TRIM33: variants seen among roughly 807,000 people sequenced by gnomAD.
TRIM33 encodes the protein E3 ubiquitin-protein ligase TRIM33.
A neutral mutation model predicts 125.4 loss-of-function variants in TRIM33; 20 were observed. The observed-to-expected ratio is 0.16, with a 90% confidence interval of 0.11 to 0.23. The LOEUF (loss-of-function observed/expected upper bound fraction) is 0.23. Ranked by LOEUF, TRIM33 falls within the 10% of genes least tolerant of loss-of-function variation. The pLI is 1.00. For missense variants in TRIM33, 920 were observed against 1,411.4 expected, an observed-to-expected ratio of 0.65 and a Z score of 5.58; for synonymous variants, 564 against 513.9, an observed-to-expected ratio of 1.10 and a Z score of -1.32.
chr1:114,463,419 ATCT>A lies in TRIM33; in HGVS notation c.780_782del (p.Glu260del). 1 of 1,612,946 alleles carries A rather than the reference ATCT, an allele frequency of 6.2e-7. No homozygotes were observed. Among genetic ancestry groups the A allele is most frequent in the Non-Finnish European group, 8.5e-7 (1 of 1,179,320 alleles). On this transcript the variant is annotated inframe_deletion, in exon 3 of 20. Coordinates refer to ENST00000358465, the MANE Select transcript of TRIM33 (RefSeq NM_015906.4). Reference sequence around the variant, plus strand: ...ACAATGCATCTATCTTACCTGAGACATCTTCTTTCTTCCTGATCAAGTGATCTT... The same window carrying A: ...ACAATGCATCTATCTTACCTGAGACATCTTTCTTCCTGATCAAGTGATCTT...
intron 18 of TRIM33, 32 bp from the exon 19 acceptor site, chr1:114,398,022 A>G (rs75496873): frequency 8.9e-7 from 1 of 1,126,338 alleles, no homozygotes; most frequent in Non-Finnish European, 1.3e-6. Context: ...AAAAAAAAAA[A>G]GGGAAATTAT....
intron 4 of TRIM33, among the ~76,000 whole-genome samples, chr1:114,443,601 A>G (rs1648795724): frequency 6.6e-6 from 1 of 152,216 alleles, no homozygotes; most frequent in Non-Finnish European, 1.5e-5. Context: ...AGTAACTACC[A>G]TCATAAACTA....
At chr1:114,400,660 T>G (rs1050488498) in intron 17 of TRIM33, among the ~76,000 whole-genome samples, 1 of 152,254 alleles carries the variant, frequency 6.6e-6, no homozygotes. Context: ...TGATTTAAAA[T>G]TCATTTCTCA....
At chr1:114,425,173 T>G (rs76897220) in intron 9 of TRIM33, among the ~76,000 whole-genome samples, 1,567 of 152,250 alleles carry the variant, frequency 0.01, 25 homozygotes, top group African/African-American at 0.036. Flanking sequence ...AAATTATACG[T>G]GGAAAACAAA....
chr1:114,463,637 AT>A, intron 2 of TRIM33, 81 bp from the exon 3 acceptor site: 1 of 855,496 alleles, frequency 1.2e-6, no homozygotes, highest in Non-Finnish European at 1.9e-6. Context: ...GTTCTTCAAT[AT>A]ACTATTTCAC....
At chr1:114,468,546 C>CAAAAG (rs550631426) in intron 1 of TRIM33, 55 of 394,754 alleles carry the variant, frequency 1.4e-4, no homozygotes, top group East Asian at 8.0e-4. Context: ...CTTCTTTAAT[C>CAAAAG]AAAAGAAAAG....
intron 1 of TRIM33, among the ~76,000 whole-genome samples, chr1:114,478,292 G>A (rs1379809621): frequency 2.0e-5 from 3 of 152,152 alleles, no homozygotes; most frequent in Non-Finnish European, 4.4e-5. Flanking sequence ...TGTCACACAC[G>A]GTAGAATCAA....
chr1:114,508,356 C>T (rs1230221809), intron 1 of TRIM33, among the ~76,000 whole-genome samples: 1 of 152,174 alleles, frequency 6.6e-6, no homozygotes, highest in Non-Finnish European at 1.5e-5. Flanking sequence ...ATCAGTCAAA[C>T]ACAATCTGTA....
chr1:114,431,753 T>G (rs953859449), intron 5 of TRIM33, among the ~76,000 whole-genome samples: 2 of 152,236 alleles, frequency 1.3e-5, no homozygotes, highest in Admixed American at 1.3e-4. Flanking sequence ...CAAGAAATAA[T>G]GTAGTTTTTT....
intron 6 of TRIM33, among the ~76,000 whole-genome samples, 167 bp from the exon 7 acceptor site, chr1:114,428,061 A>G (rs982159925): frequency 1.3e-5 from 2 of 152,242 alleles, no homozygotes; most frequent in African/African-American, 4.8e-5. Context: ...GCCACTAACA[A>G]AAGTGGGACT....
chr1:114,436,400 CAA>C (rs765728045), intron 4 of TRIM33, among the ~76,000 whole-genome samples: 1,510 of 40,634 alleles, frequency 0.037, 10 homozygotes, highest in African/African-American at 0.096. Context: ...GACTCTGTCT[CAA>C]AAAAAAAAAA....
intron 4 of TRIM33, among the ~76,000 whole-genome samples, chr1:114,453,874 G>A (rs530240406): frequency 6.6e-6 from 1 of 152,302 alleles, no homozygotes; most frequent in South Asian, 2.1e-4. Context: ...ACTATCAGGA[G>A]GTGTTTATGA....
intron 4 of TRIM33, among the ~76,000 whole-genome samples, chr1:114,453,077 G>T (rs1269190314): frequency 1.3e-5 from 2 of 152,072 alleles, no homozygotes; most frequent in East Asian, 1.9e-4. Flanking sequence ...AAGACACACA[G>T]AAGTGGATAG....
chr1:114,419,150 G>A (rs1428062210), intron 11 of TRIM33, among the ~76,000 whole-genome samples: 2 of 141,154 alleles, frequency 1.4e-5, no homozygotes, highest in East Asian at 4.2e-4. Context: ...GCAGTGAGTC[G>A]AGATTGCGCC....
chr1:114,475,103 GA>G (rs1375174635), intron 1 of TRIM33, among the ~76,000 whole-genome samples: 1 of 152,056 alleles, frequency 6.6e-6, no homozygotes, highest in Admixed American at 6.5e-5. Flanking sequence ...GAGACAAACA[GA>G]AATGAACATG....
At chr1:114,407,852 C>T (rs1236204262) in intron 13 of TRIM33, among the ~76,000 whole-genome samples, 3 of 152,282 alleles carry the variant, frequency 2.0e-5, no homozygotes, top group African/African-American at 2.4e-5. Flanking sequence ...TTTATCCTAT[C>T]TTTCCTATAA....
chr1:114,497,707 T>G (rs1357148296), intron 1 of TRIM33, among the ~76,000 whole-genome samples: 1 of 152,162 alleles, frequency 6.6e-6, no homozygotes, highest in East Asian at 1.9e-4. Flanking sequence ...TTGACTGTAT[T>G]TAGTTCATGG....
chr1:114,468,741 G>A (rs1572092225), intron 1 of TRIM33: 2 of 408,634 alleles, frequency 4.9e-6, no homozygotes, highest in East Asian at 1.4e-4. Flanking sequence ...ACTAGAGAAA[G>A]ACAAAGTTCT....
chr1:114,469,528 T>C (rs1361847586), intron 1 of TRIM33, among the ~76,000 whole-genome samples: 2 of 152,186 alleles, frequency 1.3e-5, no homozygotes, highest in African/African-American at 2.4e-5. Context: ...TTCAAAATTG[T>C]TCACTGGCAT....
Sources: allele counts gnomAD v4.1 joint callset (sites outside exome capture counted in the v4.1 genomes callset), GRCh38; gene constraint gnomAD v4.1.1; transcripts MANE v1.5; gene names NCBI Gene and HGNC (gene_info 2026-07-23, HGNC 2026-07-21).